Variants in OR2AT4 observed in about 807,000 individuals in gnomAD.
The protein encoded by OR2AT4 is olfactory receptor family 2 subfamily AT member 4.
Under a neutral mutation model 10.3 loss-of-function variants are expected in OR2AT4, and 6 were observed. The ratio of observed to expected loss-of-function variants is 0.58; its 90% CI spans 0.32 to 1.15. OR2AT4 has a LOEUF of 1.15. OR2AT4 is among the 50% of genes most tolerant of loss of function. The pLI is 0.05. For synonymous variants in OR2AT4, 145 were observed against 159.1 expected (o/e 0.91, Z 0.67); for missense variants, 354 against 393.8 (o/e 0.90, Z 0.85).
At chr11:75,083,527 GC>G (rs1226835051) in exon 2 of OR2AT4, 2 of 152,114 alleles carry the variant, frequency 1.3e-5, no homozygotes, top group Non-Finnish European at 2.9e-5. Flanking sequence ...ATTTGACCCA[GC>G]AATCTCATTA....
intron 1 of OR2AT4, among the ~76,000 whole-genome samples, chr11:75,095,838 C>T (rs989274390): frequency 1.8e-4 from 27 of 151,966 alleles, no homozygotes; most frequent in African/African-American, 5.1e-4. Context: ...CCACCATGTC[C>T]GGCTAATTTT....
chr11:75,088,588 A>G (rs1469917748), exon 2 of OR2AT4: 1 of 683,782 alleles, frequency 1.5e-6, no homozygotes, highest in African/African-American at 1.9e-5. Flanking sequence ...TTTTTTTTTT[A>G]TTTTAGTAAA....
chr11:75,091,178 A>G (rs930357176), intron 1 of OR2AT4, among the ~76,000 whole-genome samples: 1 of 152,234 alleles, frequency 6.6e-6, no homozygotes, highest in Non-Finnish European at 1.5e-5. Context: ...CTACCTGCCT[A>G]ACAAAGAGAA....
At chr11:75,096,560 C>G (rs1218078466) in intron 1 of OR2AT4, among the ~76,000 whole-genome samples, 1 of 152,200 alleles carries the variant, frequency 6.6e-6, no homozygotes, top group Non-Finnish European at 1.5e-5. Flanking sequence ...TCCCATTTCT[C>G]TTATCGTCAT....
At position 75,089,860 on chromosome 11, in the gene OR2AT4, C is replaced by T. The variant is rs556052240; in HGVS notation, c.-147G>A. ...TAATATAAGCAGAATTATTTACAAC[C>T]AACTGTAGAGGACTGATGAGGGGCT... is the stretch of plus-strand genomic sequence containing the variant. On this transcript the variant is annotated 5_prime_UTR_variant, in exon 2 of 2. Transcript: ENST00000641504. 2.5e-5 allele frequency: 22 copies of T among 873,592 alleles called. No homozygotes were observed. The South Asian group carries it at 3.7e-4, about 15-fold the overall frequency. The allele number at this position is 873,592 out of a possible 1,614,324, so 54.1% of individuals were successfully genotyped here. A position where few individuals can be genotyped will look rare whatever the true frequency, so the allele number is the denominator to read the frequency against.
chr11:75,092,007 A>G (rs79729555), intron 1 of OR2AT4, among the ~76,000 whole-genome samples: 8,936 of 152,296 alleles, frequency 0.059, 368 homozygotes, highest in African/African-American at 0.11. Context: ...ATCAAAGGCC[A>G]TGTATCCAGT....
exon 2 of OR2AT4, chr11:75,089,771 A>G: frequency 1.3e-6 from 2 of 1,519,426 alleles, no homozygotes; most frequent in South Asian, 2.6e-5. Flanking sequence ...GACATTGGAA[A>G]CATCTGGAAA....
exon 2 of OR2AT4, chr11:75,081,805 G>C (rs1949268621): frequency 6.6e-6 from 1 of 151,916 alleles, no homozygotes; most frequent in African/African-American, 2.4e-5. Flanking sequence ...AAGAAACCTA[G>C]GAATACACCT....
rs769014623 is a variant in OR2AT4 at position 75,089,127 on chromosome 11, T to TCAGA, written c.583_586dup (p.Asp196ValfsTer2). ...GCCCATGAGGGTCTGGGGGGTGGTG[T>TCAGA]CAGAGCAGGAGGCCTGGACCACAGC... On this transcript the variant is annotated stop_gained and frameshift_variant, in exon 2 of 2. Transcript: ENST00000641504. LOFTEE classifies it high-confidence loss of function. 1.2e-5 allele frequency: 19 copies of TCAGA among 1,613,798 alleles called. No individual in the cohort carries two copies. The African/African-American group carries it at 1.9e-4, about 16-fold the overall frequency.
exon 2 of OR2AT4, chr11:75,089,802 G>T: frequency 1.5e-6 from 2 of 1,313,724 alleles, no homozygotes; most frequent in South Asian, 1.4e-5. Flanking sequence ...AAAGGATTCT[G>T]GAGTGATAAT....
chr11:75,092,190 T>C (rs1199939118), intron 1 of OR2AT4, among the ~76,000 whole-genome samples: 1 of 152,170 alleles, frequency 6.6e-6, no homozygotes, highest in Non-Finnish European at 1.5e-5. Context: ...TAATAATACA[T>C]ACTCACTAAA....
At chr11:75,089,566 T>A (rs1949312024) in exon 2 of OR2AT4, 1 of 1,613,872 alleles carries the variant, frequency 6.2e-7, no homozygotes, top group Admixed American at 1.7e-5. Context: ...GCCACCAGGA[T>A]CAGGGCATTA....
At chr11:75,088,894 C>A in exon 2 of OR2AT4, 1 of 1,613,974 alleles carries the variant, frequency 6.2e-7, no homozygotes, top group South Asian at 1.1e-5. Context: ...ATATGGAAGT[C>A]AAGGGGCAGG....
chr11:75,088,846 GA>G lies in OR2AT4; in HGVS notation c.867del (p.Leu290SerfsTer8), dbSNP rs1288479987. ...CTCAGCGTGTAAATGAGGGGGTTGAGAATTGGTGTGAGAATGGCATATACCA... is the reference window on the plus strand; with the variant it reads ...CTCAGCGTGTAAATGAGGGGGTTGAGATTGGTGTGAGAATGGCATATACCA... On this transcript the variant is annotated frameshift_variant, in exon 2 of 2. Coordinates refer to ENST00000641504, the Ensembl canonical transcript of OR2AT4. LOFTEE classifies it low-confidence loss of function (END_TRUNC). 1 of 1,613,090 alleles carries G rather than the reference GA, an allele frequency of 6.2e-7. No homozygotes were observed. Among genetic ancestry groups the G allele is most frequent in the South Asian group, 1.1e-5 (1 of 90,922 alleles).
chr11:75,088,990 C>A, exon 2 of OR2AT4: 1 of 1,614,174 alleles, frequency 6.2e-7, no homozygotes, highest in Non-Finnish European at 8.5e-7. Flanking sequence ...GTGGAGAAGG[C>A]TTTTGCCCGT....
chr11:75,094,513 C>G (rs1304577282), intron 1 of OR2AT4, among the ~76,000 whole-genome samples: 1 of 152,024 alleles, frequency 6.6e-6, no homozygotes, highest in Non-Finnish European at 1.5e-5. Flanking sequence ...TTTGGGAGAC[C>G]AAGGTGGGAG....
At chr11:75,089,887 T>C (rs1462560097) in exon 2 of OR2AT4, 2 of 646,982 alleles carry the variant, frequency 3.1e-6, no homozygotes, top group African/African-American at 1.8e-5. Context: ...TGAGGGGCTA[T>C]GGTATTGACT....
Position 75,095,647 on chromosome 11 carries a change from A to G in OR2AT4, c.-652+1181T>C, listed in dbSNP as rs149287685. Among the ~76,000 whole-genome samples the G allele has an allele frequency of 1.5e-3, 220 of 148,904 alleles. 1 individual carries two copies. Among genetic ancestry groups the G allele is most frequent in the African/African-American group, 5.3e-3 (216 of 40,706 alleles). ...ATCATCAAATAGGAATGAAGGGGCC[A>G]TTAGTGATTAAATAGTTTTCACCTA... On this transcript the variant is annotated intron_variant, in intron 1 of 1. Transcript: ENST00000641504.
At chr11:75,086,728 C>A (rs1949292753) in exon 2 of OR2AT4, 1 of 152,128 alleles carries the variant, frequency 6.6e-6, no homozygotes. Context: ...TCATTATGAC[C>A]CAAAGCCCAT....
Sources: gnomAD v4.1 joint callset for allele counts (sites outside exome capture counted in the v4.1 genomes callset) on GRCh38, gnomAD v4.1.1 for gene constraint, MANE v1.5 for transcripts, NCBI Gene and HGNC (gene_info 2026-07-23, HGNC 2026-07-21) for gene names.